The following B3GNT5 variants were observed in gnomAD, a reference collection of about 807,000 sequenced individuals.
B3GNT5 encodes the protein UDP-GlcNAc:betaGal beta-1,3-N-acetylglucosaminyltransferase 5, also known as lactosylceramide 1,3-N-acetyl-beta-D-glucosaminyltransferase.
A neutral mutation model predicts 25.9 loss-of-function variants in B3GNT5; 11 were observed. The ratio of observed to expected loss-of-function variants is 0.42; its 90% confidence interval spans 0.27 to 0.70. B3GNT5 has a LOEUF of 0.70. B3GNT5 is among the 30% of genes least tolerant of loss of function. The pLI is 0.23. For synonymous variants in B3GNT5, 166 were observed against 158.6 expected, an observed-to-expected ratio of 1.05 and a Z score of -0.35; for missense variants, 385 against 458.4, an observed-to-expected ratio of 0.84 and a Z score of 1.46.
chr3:183,264,775 C>G (rs1461155911), intron 1 of B3GNT5, among the ~76,000 whole-genome samples: 3 of 152,128 alleles, frequency 2.0e-5, no homozygotes, highest in African/African-American at 4.8e-5. Context: ...AAACTTGTAG[C>G]CTTTGGGTGT....
At chr3:183,257,731 A>G (rs1375192804) in intron 1 of B3GNT5, among the ~76,000 whole-genome samples, 1 of 152,196 alleles carries the variant, frequency 6.6e-6, no homozygotes, top group African/African-American at 2.4e-5. Context: ...ACACTGGGTT[A>G]TATCGTCATC....
intron 1 of B3GNT5, among the ~76,000 whole-genome samples, chr3:183,257,061 G>C (rs1194549160): frequency 6.6e-6 from 1 of 150,816 alleles, no homozygotes; most frequent in Non-Finnish European, 1.5e-5. Flanking sequence ...AAAAAAACCT[G>C]AAAAAAAAAT....
intron 1 of B3GNT5, among the ~76,000 whole-genome samples, chr3:183,255,798 G>T (rs1169388077): frequency 3.4e-5 from 5 of 148,992 alleles, no homozygotes; most frequent in Non-Finnish European, 7.4e-5. Flanking sequence ...CATTCAAATG[G>T]TGAGATTGTA....
chr3:183,268,187 G>C lies in B3GNT5; in HGVS notation c.-301-1311G>C, dbSNP rs531745344. Among the ~76,000 whole-genome samples, 3 of 152,348 alleles carry C rather than the reference G, an allele frequency of 2.0e-5. No individual in the cohort carries two copies. In the South Asian group the frequency reaches 6.2e-4, roughly 32 times the overall value. ...GGCATATGAAATGGCAAGTGTGACT[G>C]TGCTTTCAGCCAATAATTTGGTATT... On this transcript the variant is annotated intron_variant, in intron 1 of 1. Transcript: ENST00000326505.
intron 1 of B3GNT5, among the ~76,000 whole-genome samples, chr3:183,261,341 AT>A (rs1427669598): frequency 4.6e-5 from 7 of 152,318 alleles, no homozygotes; most frequent in African/African-American, 1.4e-4. Context: ...CCAGGAAAAA[AT>A]ACTTGGAATA....
chr3:183,260,024 C>T lies in B3GNT5; in HGVS notation c.-302+6552C>T, dbSNP rs9813873. On this transcript the variant is annotated intron_variant, in intron 1 of 1. Transcript: ENST00000326505. ...CCCTGCCCACCTCCTCCCCTGCCCTCCCCTCCCGATGAGAACTGCAGGAAC... is the reference window on the plus strand; with the variant it reads ...CCCTGCCCACCTCCTCCCCTGCCCTTCCCTCCCGATGAGAACTGCAGGAAC... 9.9e-3 allele frequency among the ~76,000 whole-genome samples: 1,507 copies of T among 152,138 alleles called. 26 individuals are homozygous for T. Among genetic ancestry groups the T allele is most frequent in the African/African-American group, 0.033 (1,382 of 41,490 alleles).
At position 183,270,820 on chromosome 3, in the gene B3GNT5, T is replaced by TA; in HGVS notation, c.1027dup (p.Thr343AsnfsTer22). The TA allele has an allele frequency of 6.2e-7, 1 of 1,613,896 alleles. No homozygotes were observed. The highest frequency in any genetic ancestry group is 8.5e-7 in the Non-Finnish European group (1 of 1,179,932). On this transcript the variant is annotated frameshift_variant, in exon 2 of 2. Coordinates refer to ENST00000326505, the MANE Select transcript of B3GNT5 (RefSeq NM_032047.5). LOFTEE classifies it high-confidence loss of function. This position sits in a 1 kb window ranked among gnomAD's most constrained non-coding sequence, Gnocchi z 4.5. Reference sequence around the variant, plus strand: ...TGGAAGAATGCTACAGATCCTAAAGTAAAAACCATTTCCAAAGGTTTTTTT... The same window carrying TA: ...TGGAAGAATGCTACAGATCCTAAAGTAAAAAACCATTTCCAAAGGTTTTTTT...
intron 1 of B3GNT5, chr3:183,254,341 G>A (rs978803314): frequency 1.3e-5 from 2 of 151,936 alleles, no homozygotes; most frequent in African/African-American, 4.8e-5. Context: ...AAGTCGGGAA[G>A]CCGGGGAGGC....
At chr3:183,255,484 C>T (rs1230435140) in intron 1 of B3GNT5, among the ~76,000 whole-genome samples, 4 of 152,212 alleles carry the variant, frequency 2.6e-5, no homozygotes, top group Non-Finnish European at 5.9e-5. Flanking sequence ...CGCACACGCT[C>T]TGAGCATTGA....
intron 1 of B3GNT5, among the ~76,000 whole-genome samples, chr3:183,265,081 T>G (rs1272710537): frequency 6.6e-6 from 1 of 152,224 alleles, no homozygotes; most frequent in Non-Finnish European, 1.5e-5. Flanking sequence ...CTTTTTCTAT[T>G]TCCTATTTTC....
intron 1 of B3GNT5, among the ~76,000 whole-genome samples, chr3:183,263,764 C>T (rs907616820): frequency 2.4e-4 from 36 of 152,178 alleles, no homozygotes; most frequent in African/African-American, 7.7e-4. Context: ...CTCCTTCACT[C>T]CTAACTCAGG....
intron 1 of B3GNT5, among the ~76,000 whole-genome samples, chr3:183,266,996 G>A (rs540113840): frequency 2.6e-5 from 4 of 152,146 alleles, no homozygotes; most frequent in Admixed American, 2.6e-4. Flanking sequence ...CATGTTGCCA[G>A]GCTGGTCTCA....
In B3GNT5 at chr3:183,267,498, T is replaced by C. The variant is rs979214126; in HGVS notation, c.-301-2000T>C. Among the ~76,000 whole-genome samples the C allele has an allele frequency of 5.9e-5, 9 of 152,142 alleles. No individual in the cohort carries two copies. The highest frequency in any genetic ancestry group is 1.9e-4 in the African/African-American group (8 of 41,430). Reference sequence around the variant, plus strand: ...GGCCCATTCTGCAGGGCACTCAGTGTGTACAGTTGGTTTTCTATCAGGGGT... The same window carrying C: ...GGCCCATTCTGCAGGGCACTCAGTGCGTACAGTTGGTTTTCTATCAGGGGT... On this transcript the variant is annotated intron_variant, in intron 1 of 1. Transcript: ENST00000326505. The surrounding 1 kb of genome is among the most constrained non-coding windows in gnomAD (Gnocchi z 5.5).
At chr3:183,261,552 T>C in intron 1 of B3GNT5, among the ~76,000 whole-genome samples, 1 of 152,210 alleles carries the variant, frequency 6.6e-6, no homozygotes, top group East Asian at 1.9e-4. Context: ...TTATATAGTC[T>C]ACTTTCTAAG....
chr3:183,272,540 A>G lies in B3GNT5; in HGVS notation c.*1605A>G. 1.0e-6 allele frequency: 1 copy of G among 993,520 alleles called. No homozygotes were observed. The highest frequency in any genetic ancestry group is 1.2e-6 in the Non-Finnish European group (1 of 824,168). 61.5% of individuals were successfully genotyped at this position (993,520 alleles called of 1,614,324 possible). ...AATTTTAATTTTTTTCTATTTTGAA[A>G]TTTGAGGCTTGTTTACATTGCTTAG... On this transcript the variant is annotated 3_prime_UTR_variant, in exon 2 of 2. Transcript: ENST00000326505.
intron 1 of B3GNT5, among the ~76,000 whole-genome samples, chr3:183,266,856 G>A (rs1056474121): frequency 2.0e-5 from 3 of 150,748 alleles, no homozygotes; most frequent in East Asian, 1.9e-4. Context: ...GCACGATCTC[G>A]GCTCATTGCA....
intron 1 of B3GNT5, among the ~76,000 whole-genome samples, chr3:183,264,424 T>G (rs978544894): frequency 1.3e-5 from 2 of 152,248 alleles, no homozygotes; most frequent in African/African-American, 4.8e-5. Context: ...CATTGTTGTC[T>G]GTGGGAACTA....
intron 1 of B3GNT5, among the ~76,000 whole-genome samples, chr3:183,254,951 A>G (rs1446662934): frequency 2.0e-5 from 3 of 152,170 alleles, no homozygotes; most frequent in South Asian, 2.1e-4. Context: ...ACAGTTTTCA[A>G]CTCGACTCTT....
Position 183,271,048 on chromosome 3 carries a change from G to T in B3GNT5, c.*113G>T. ...AATGAGGACGAAAGACAAATATTTTGAAAGCCTAGTCCATCAGAATGTTTC... is the reference window on the plus strand; with the variant it reads ...AATGAGGACGAAAGACAAATATTTTTAAAGCCTAGTCCATCAGAATGTTTC... On this transcript the variant is annotated 3_prime_UTR_variant, in exon 2 of 2. Coordinates refer to ENST00000326505, the MANE Select transcript of B3GNT5 (RefSeq NM_032047.5). 1 of 988,716 alleles carries T rather than the reference G, an allele frequency of 1.0e-6. No individual in the cohort carries two copies. Among genetic ancestry groups the T allele is most frequent in the South Asian group, 2.0e-5 (1 of 49,258 alleles). The allele number at this position is 988,716 out of a possible 1,614,324, so 61.2% of individuals were successfully genotyped here.
Sources: allele counts gnomAD v4.1 joint callset (sites outside exome capture counted in the v4.1 genomes callset), GRCh38; gene constraint gnomAD v4.1.1; non-coding constraint Gnocchi (gnomAD v3.1); transcripts MANE v1.5; gene names NCBI Gene and HGNC (gene_info 2026-07-23, HGNC 2026-07-21).